GALNT13: variants seen among roughly 807,000 people sequenced by gnomAD.
GALNT13 encodes the protein UDP-GalNAc:polypeptide N-acetylgalactosaminyltransferase 13.
GALNT13 carries 28 observed loss-of-function variants against 64.2 expected under a neutral mutation model. That is an observed-to-expected ratio of 0.44 (90% confidence interval 0.32 to 0.60). GALNT13 has a LOEUF of 0.60. GALNT13 is among the 20% of genes least tolerant of loss of function. The pLI, the probability that GALNT13 is intolerant of heterozygous loss-of-function variation, is 0.05. For missense variants in GALNT13, 577 were observed against 669.8 expected (o/e 0.86, Z 1.53); for synonymous variants, 214 against 224.6 (o/e 0.95, Z 0.42).
At chr2:154,325,934 G>A (rs144016108) in intron 9 of GALNT13, among the ~76,000 whole-genome samples, 42 of 152,184 alleles carry the variant, frequency 2.8e-4, no homozygotes, top group East Asian at 2.5e-3. Flanking sequence ...CCCACACTCC[G>A]AGGGCGGGGC....
chr2:154,253,444 A>G (rs1298336165), intron 7 of GALNT13, among the ~76,000 whole-genome samples: 1 of 152,182 alleles, frequency 6.6e-6, no homozygotes. Context: ...TCAAATGCAT[A>G]CTTTTTTGAG....
the GALNT13 span, among the ~76,000 whole-genome samples, chr2:153,133,345 G>C: frequency 6.6e-6 from 1 of 152,120 alleles, no homozygotes; most frequent in Non-Finnish European, 1.5e-5. Flanking sequence ...TATGCACTGG[G>C]AGGATGGGGT....
At chr2:153,439,965 A>G in the GALNT13 span, among the ~76,000 whole-genome samples, 1 of 152,034 alleles carries the variant, frequency 6.6e-6, no homozygotes, top group Non-Finnish European at 1.5e-5. Flanking sequence ...TGGCCTACTT[A>G]TACTTTTTAA....
At chr2:154,310,163 A>T (rs1298855631) in intron 9 of GALNT13, among the ~76,000 whole-genome samples, 1 of 152,050 alleles carries the variant, frequency 6.6e-6, no homozygotes, top group Non-Finnish European at 1.5e-5. Flanking sequence ...CCCCCCAGGG[A>T]CTCCAGTGGT....
chr2:153,416,713 C>A, the GALNT13 span, among the ~76,000 whole-genome samples: 1 of 152,094 alleles, frequency 6.6e-6, no homozygotes, highest in African/African-American at 2.4e-5. Flanking sequence ...GTTGATTCAA[C>A]AAATATTTAT....
chr2:154,167,131 A>C (rs1685076903), intron 4 of GALNT13, among the ~76,000 whole-genome samples: 1 of 152,210 alleles, frequency 6.6e-6, no homozygotes, highest in Non-Finnish European at 1.5e-5. Context: ...TATACTAATA[A>C]AAATGAAAAT....
intron 2 of GALNT13, among the ~76,000 whole-genome samples, chr2:153,942,425 T>C (rs890031261): frequency 2.0e-5 from 3 of 152,138 alleles, no homozygotes; most frequent in African/African-American, 7.2e-5. Context: ...GGATCTACCC[T>C]ATCTTAAGAC....
At chr2:153,128,995 A>T in the GALNT13 span, among the ~76,000 whole-genome samples, 1 of 152,120 alleles carries the variant, frequency 6.6e-6, no homozygotes, top group Non-Finnish European at 1.5e-5. Flanking sequence ...TCAAGATGAG[A>T]TTTGGGTTGG....
chr2:154,419,519 A>G (rs375427061), intron 11 of GALNT13, among the ~76,000 whole-genome samples: 3 of 152,170 alleles, frequency 2.0e-5, no homozygotes, highest in Non-Finnish European at 4.4e-5. Context: ...AAAATTGTCA[A>G]TTCAAGTCAA....
intron 9 of GALNT13, among the ~76,000 whole-genome samples, chr2:154,361,362 G>A (rs1439612129): frequency 6.6e-6 from 1 of 151,998 alleles, no homozygotes; most frequent in African/African-American, 2.4e-5. Flanking sequence ...ATGTAACATT[G>A]GCTAAGTTAT....
chr2:153,248,026 C>A, the GALNT13 span, among the ~76,000 whole-genome samples: 1 of 152,040 alleles, frequency 6.6e-6, no homozygotes, highest in African/African-American at 2.4e-5. Context: ...AAGATGAGTG[C>A]CTGAATAGAC....
the GALNT13 span, among the ~76,000 whole-genome samples, chr2:153,780,996 G>A: frequency 4.2e-4 from 64 of 152,292 alleles, 1 homozygote; most frequent in African/African-American, 1.3e-3. Context: ...GAATGACCAT[G>A]TGCCTGTTTC....
intron 3 of GALNT13, among the ~76,000 whole-genome samples, chr2:154,050,929 T>C (rs995963562): frequency 6.6e-6 from 1 of 152,118 alleles, no homozygotes; most frequent in Non-Finnish European, 1.5e-5. Context: ...CAAAGCTGAG[T>C]AGTTTATGTC....
chr2:154,021,494 T>A (rs1373219456), intron 3 of GALNT13, among the ~76,000 whole-genome samples: 1 of 152,188 alleles, frequency 6.6e-6, no homozygotes, highest in Non-Finnish European at 1.5e-5. Flanking sequence ...ATGATTTGGC[T>A]CTCTGTTTGT....
Position 153,944,459 on chromosome 2 carries a change from G to T in GALNT13, c.-39G>T. 2 of 1,598,318 alleles carry T rather than the reference G, an allele frequency of 1.3e-6. No individual in the cohort carries two copies. The highest frequency in any genetic ancestry group is 1.1e-5 in the South Asian group (1 of 88,552). The stretch of plus-strand genomic sequence containing the variant: ...GCTTGGATTTATCACAGTAGCATTT[G>T]TCTTCAATCTGTGTGTTAACTAGAA... On this transcript the variant is annotated 5_prime_UTR_variant, in exon 3 of 13. Coordinates refer to ENST00000392825, the MANE Select transcript of GALNT13 (RefSeq NM_052917.4).
At chr2:154,306,991 ATT>A (rs34442308) in intron 9 of GALNT13, among the ~76,000 whole-genome samples, 24 of 141,074 alleles carry the variant, frequency 1.7e-4, no homozygotes, top group African/African-American at 1.8e-4. Flanking sequence ...AAGGGCTGTT[ATT>A]TTTTTTTTTT....
chr2:153,430,942 G>C, the GALNT13 span, among the ~76,000 whole-genome samples: 1 of 151,888 alleles, frequency 6.6e-6, no homozygotes, highest in African/African-American at 2.4e-5. Flanking sequence ...ACAAGGTCAG[G>C]AGTTCGAGAC....
chr2:153,950,339 A>G lies in GALNT13; in HGVS notation c.142+5700A>G, dbSNP rs185459170. Among the ~76,000 whole-genome samples the G allele has an allele frequency of 6.6e-5, 10 of 152,226 alleles. No individual in the cohort carries two copies. In the East Asian group the frequency reaches 1.2e-3, roughly 18 times the overall value. ...ACACTTCATAGAAAATGAAACACAT[A>G]TAGCAAATAAATTTGTGAAGAAATA... On this transcript the variant is annotated intron_variant, in intron 3 of 12. Transcript: ENST00000392825.
At chr2:153,682,313 T>C in the GALNT13 span, among the ~76,000 whole-genome samples, 2 of 151,792 alleles carry the variant, frequency 1.3e-5, no homozygotes, top group Non-Finnish European at 1.5e-5. Flanking sequence ...AGACGTCTTC[T>C]GTAATATCGT....
Sources: gnomAD v4.1 joint callset for allele counts (sites outside exome capture counted in the v4.1 genomes callset) on GRCh38, gnomAD v4.1.1 for gene constraint, MANE v1.5 for transcripts, NCBI Gene and HGNC (gene_info 2026-07-23, HGNC 2026-07-21) for gene names.